Variants in PAM observed in about 807,000 individuals in gnomAD.
The protein encoded by PAM is peptidylglycine alpha-amidating monooxygenase.
A neutral mutation model predicts 122.1 loss-of-function variants in PAM; 72 were observed. The observed-to-expected ratio is 0.59, with a 90% CI of 0.49 to 0.72. The LOEUF (loss-of-function observed/expected upper bound fraction) is 0.72. Ranked by LOEUF, PAM falls within the 30% of genes least tolerant of loss-of-function variation. The pLI is 0.00. For missense variants in PAM, 1,106 were observed against 1,183.7 expected (o/e 0.93, Z 0.96); for synonymous variants, 389 against 404.4 (o/e 0.96, Z 0.46).
intron 1 of PAM, among the ~76,000 whole-genome samples, chr5:102,814,962 C>A (rs1192117959): frequency 6.6e-6 from 1 of 151,868 alleles, no homozygotes; most frequent in Non-Finnish European, 1.5e-5. Context: ...CACACACGCA[C>A]CCCCCATACA....
Position 102,874,764 on chromosome 5 carries a change from A to G in PAM, c.210+7371A>G, listed in dbSNP as rs75385525. On this transcript the variant is annotated intron_variant, in intron 3 of 25. Transcript: ENST00000438793. ...TATTTTTTTTCCTAGTAAATATTTTAAAGGAGAAAACATACTTAGTGAGTA... is the reference window on the plus strand; with the variant it reads ...TATTTTTTTTCCTAGTAAATATTTTGAAGGAGAAAACATACTTAGTGAGTA... Among the ~76,000 whole-genome samples, 557 of 149,574 alleles carry G rather than the reference A, an allele frequency of 3.7e-3. 1 individual carries two copies. The highest frequency in any genetic ancestry group is 6.5e-3 in the Non-Finnish European group (441 of 67,976).
chr5:102,756,296 G>C (rs1187902626), intron 1 of PAM, among the ~76,000 whole-genome samples: 3 of 152,150 alleles, frequency 2.0e-5, no homozygotes, highest in African/African-American at 7.2e-5. Context: ...GGGCTAAAAG[G>C]CATGTGTTCC....
intron 3 of PAM, among the ~76,000 whole-genome samples, chr5:102,870,953 C>G (rs1787221419): frequency 6.6e-6 from 1 of 152,184 alleles, no homozygotes; most frequent in South Asian, 2.1e-4. Context: ...GATAAACTGC[C>G]AGTTCATGGT....
At chr5:103,030,991 CT>C (rs1191793861), downstream of PAM, 5 of 152,158 alleles carry the variant, frequency 3.3e-5, no homozygotes, top group Admixed American at 1.3e-4. Context: ...AAGACAGGAT[CT>C]GAGGTGTTTT....
At chr5:102,902,618 C>A (rs1798308315) in intron 4 of PAM, among the ~76,000 whole-genome samples, 1 of 151,436 alleles carries the variant, frequency 6.6e-6, no homozygotes, top group African/African-American at 2.4e-5. Context: ...AACATACATT[C>A]ATAATTAAAA....
At chr5:102,890,096 A>G (rs554176388) in intron 3 of PAM, among the ~76,000 whole-genome samples, 8 of 152,014 alleles carry the variant, frequency 5.3e-5, no homozygotes, top group Non-Finnish European at 8.8e-5. Flanking sequence ...AGTATCATAC[A>G]TTTTAGGTTT....
chr5:102,862,841 T>C (rs757711635), intron 1 of PAM, among the ~76,000 whole-genome samples: 3 of 152,206 alleles, frequency 2.0e-5, no homozygotes, highest in Non-Finnish European at 4.4e-5. Context: ...AGCTAATAAA[T>C]AGTGGACCCA....
intron 1 of PAM, among the ~76,000 whole-genome samples, chr5:102,824,647 T>C (rs1470807221): frequency 6.6e-6 from 1 of 152,204 alleles, no homozygotes; most frequent in Admixed American, 6.5e-5. Context: ...AACCACTCTA[T>C]TTGTGAAAGT....
At chr5:102,807,131 A>G (rs562192323) in intron 1 of PAM, among the ~76,000 whole-genome samples, 2 of 152,340 alleles carry the variant, frequency 1.3e-5, no homozygotes, top group East Asian at 1.9e-4. Flanking sequence ...AGTATTTGCA[A>G]TAGCAAAATT....
chr5:102,917,873 C>G (rs889947777), intron 5 of PAM, among the ~76,000 whole-genome samples: 1 of 152,144 alleles, frequency 6.6e-6, no homozygotes, highest in African/African-American at 2.4e-5. Flanking sequence ...ATAGTAGACA[C>G]AGCATGAAGC....
chr5:102,877,370 TAAAG>T (rs1293069961), intron 3 of PAM, among the ~76,000 whole-genome samples: 2 of 152,202 alleles, frequency 1.3e-5, no homozygotes, highest in East Asian at 3.8e-4. Context: ...AACCTGGGAA[TAAAG>T]AGAGTAATTG....
intron 7 of PAM, among the ~76,000 whole-genome samples, chr5:102,937,885 C>A (rs1025187130): frequency 1.2e-4 from 18 of 152,134 alleles, no homozygotes; most frequent in African/African-American, 4.3e-4. Context: ...TGAACTCATG[C>A]ACAGTAGAAT....
rs146179263 is a variant in PAM at position 103,007,436 on chromosome 5, A to C, written c.2015-21A>C. 5.3e-5 allele frequency: 86 copies of C among 1,607,676 alleles called. No homozygotes were observed. The East Asian group carries it at 1.1e-3, about 21-fold the overall frequency. On this transcript the variant is annotated intron_variant, in intron 19 of 25. Transcript: ENST00000438793. ...GGTGATTTTTAACATTGTGTATCTA[A>C]GGCTTTTTTTTGTTCTGCAGAGTCT... is the stretch of plus-strand genomic sequence containing the variant.
chr5:102,982,172 G>C (rs1014123116), intron 15 of PAM, among the ~76,000 whole-genome samples: 1 of 152,062 alleles, frequency 6.6e-6, no homozygotes, highest in Non-Finnish European at 1.5e-5. Context: ...TCCTCCCAGG[G>C]GTCTAAGGAT....
chr5:102,894,951 C>A (rs1313552226), intron 3 of PAM, among the ~76,000 whole-genome samples: 2 of 151,540 alleles, frequency 1.3e-5, no homozygotes, highest in Admixed American at 6.6e-5. Flanking sequence ...TACATGGCAT[C>A]TTCACTAACC....
At chr5:102,813,901 T>C (rs1056645318) in intron 1 of PAM, among the ~76,000 whole-genome samples, 3 of 152,144 alleles carry the variant, frequency 2.0e-5, no homozygotes, top group Non-Finnish European at 4.4e-5. Context: ...AGCCATCTTT[T>C]GTGGGGGGTT....
At chr5:102,802,072 C>T (rs551344185) in intron 1 of PAM, among the ~76,000 whole-genome samples, 41 of 152,100 alleles carry the variant, frequency 2.7e-4, no homozygotes, top group African/African-American at 8.4e-4. Context: ...CGTGAGCCAC[C>T]GCGCCCGGCC....
chr5:102,805,057 A>C (rs113876618), intron 1 of PAM, among the ~76,000 whole-genome samples: 1,912 of 137,548 alleles, frequency 0.014, 50 homozygotes, highest in African/African-American at 0.049. Flanking sequence ...TATGAAAGGG[A>C]ATTTTCCTTT....
chr5:102,903,872 T>C (rs149826618), intron 4 of PAM, among the ~76,000 whole-genome samples: 5 of 151,682 alleles, frequency 3.3e-5, no homozygotes, highest in Non-Finnish European at 5.9e-5. Context: ...TCACATCAAA[T>C]ACAATTATTC....
Sources: gnomAD v4.1 joint callset for allele counts (sites outside exome capture counted in the v4.1 genomes callset) on GRCh38, gnomAD v4.1.1 for gene constraint, MANE v1.5 for transcripts, NCBI Gene and HGNC (gene_info 2026-07-23, HGNC 2026-07-21) for gene names.